Variants in FBXL7 observed in about 807,000 individuals in gnomAD.
The protein encoded by FBXL7 is F-box/LRR-repeat protein 7.
FBXL7 carries 12 observed loss-of-function variants against 38.3 expected under a neutral mutation model. The ratio of observed to expected loss-of-function variants is 0.31; its 90% CI spans 0.20 to 0.51. The LOEUF is 0.51. FBXL7 is among the 20% of genes least tolerant of loss of function. The probability of loss-of-function intolerance (pLI) is 0.98; values close to 1 mark genes in which losing one functional copy is unlikely to be tolerated. For missense variants in FBXL7, 567 were observed against 676.4 expected, an observed-to-expected ratio of 0.84 and a Z score of 1.79; for synonymous variants, 297 against 300.9, an observed-to-expected ratio of 0.99 and a Z score of 0.13.
At chr5:15,549,036 T>TA (rs767445980) in intron 1 of FBXL7, among the ~76,000 whole-genome samples, 2 of 152,234 alleles carry the variant, frequency 1.3e-5, no homozygotes, top group Admixed American at 6.5e-5. Flanking sequence ...GTGGGCAAAA[T>TA]ATGGGGGAGG....
At chr5:15,649,774 C>T (rs1408046734) in intron 2 of FBXL7, among the ~76,000 whole-genome samples, 1 of 151,442 alleles carries the variant, frequency 6.6e-6, no homozygotes, top group Non-Finnish European at 1.5e-5. Flanking sequence ...TTGTTCATTG[C>T]TCATTCACTT....
intron 2 of FBXL7, among the ~76,000 whole-genome samples, chr5:15,823,767 T>C (rs257754): frequency 0.57 from 86,031 of 151,834 alleles, 24,938 homozygotes; most frequent in Non-Finnish European, 0.64. Flanking sequence ...AAGATGCCAC[T>C]CCAAGGATTC....
At chr5:15,702,254 T>A (rs73755521) in intron 2 of FBXL7, among the ~76,000 whole-genome samples, 8,144 of 145,972 alleles carry the variant, frequency 0.056, 253 homozygotes, top group East Asian at 0.09. Context: ...AAAAAAAAAA[T>A]TCACAGCTCT....
chr5:15,890,213 T>C (rs1740843434), intron 2 of FBXL7, among the ~76,000 whole-genome samples: 1 of 151,948 alleles, frequency 6.6e-6, no homozygotes, highest in Non-Finnish European at 1.5e-5. Flanking sequence ...CCACCTGAGC[T>C]CCACCACCTG....
At chr5:15,709,525 C>T (rs917316760) in intron 2 of FBXL7, among the ~76,000 whole-genome samples, 19 of 148,422 alleles carry the variant, frequency 1.3e-4, no homozygotes, top group African/African-American at 4.5e-4. Context: ...CAGAGCAAGA[C>T]TCTGTCTCAA....
chr5:15,694,098 C>T (rs1354260203), intron 2 of FBXL7, among the ~76,000 whole-genome samples: 1 of 152,184 alleles, frequency 6.6e-6, no homozygotes, highest in African/African-American at 2.4e-5. Flanking sequence ...TGTAAACACT[C>T]AACCCTAGAC....
At chr5:15,752,536 A>G (rs1331226462) in intron 2 of FBXL7, among the ~76,000 whole-genome samples, 4 of 152,158 alleles carry the variant, frequency 2.6e-5, no homozygotes, top group African/African-American at 7.2e-5. Context: ...ATCCCAAGCC[A>G]TTGGATTTCT....
At chr5:15,553,909 T>C (rs1307033753) in intron 1 of FBXL7, among the ~76,000 whole-genome samples, 1 of 152,192 alleles carries the variant, frequency 6.6e-6, no homozygotes, top group Non-Finnish European at 1.5e-5. Flanking sequence ...GGTGGGACTC[T>C]CATCTTTGTT....
rs1736457611 is a variant in FBXL7, at chr5:15,500,466, C to G, written c.-211C>G. ...GTAAGTGCTGCAGCTGTGCCCGGCC[C>G]CGCCTGGAGCCACCGGGGGTGCCAG... On this transcript the variant is annotated 5_prime_UTR_variant, in exon 1 of 4. Transcript: ENST00000504595. 2 of 633,096 alleles carry G rather than the reference C, an allele frequency of 3.2e-6. No homozygotes were observed. Among genetic ancestry groups the G allele is most frequent in the Middle Eastern group, 4.2e-4 (1 of 2,374 alleles). The allele number at this position is 633,096 out of a possible 1,614,324, so 39.2% of individuals were successfully genotyped here.
intron 2 of FBXL7, among the ~76,000 whole-genome samples, chr5:15,879,598 ACT>A (rs1234361969): frequency 1.3e-5 from 2 of 151,940 alleles, no homozygotes; most frequent in African/African-American, 4.8e-5. Flanking sequence ...AAAAAAGGAA[ACT>A]CTGGGAAGAT....
chr5:15,682,966 A>T (rs1204812361), intron 2 of FBXL7, among the ~76,000 whole-genome samples: 1 of 152,238 alleles, frequency 6.6e-6, no homozygotes, highest in Non-Finnish European at 1.5e-5. Flanking sequence ...GCTTTAGGTA[A>T]TGTCCAGTCA....
At chr5:15,771,654 T>G (rs1736729664) in intron 2 of FBXL7, among the ~76,000 whole-genome samples, 1 of 152,160 alleles carries the variant, frequency 6.6e-6, no homozygotes, top group Admixed American at 6.5e-5. Context: ...TAGGTATTAC[T>G]GAGGTACAGT....
chr5:15,723,592 T>G (rs1744262644), intron 2 of FBXL7, among the ~76,000 whole-genome samples: 2 of 152,246 alleles, frequency 1.3e-5, no homozygotes, highest in Non-Finnish European at 2.9e-5. Context: ...ACATAGTGTT[T>G]CCAGCATACA....
intron 2 of FBXL7, among the ~76,000 whole-genome samples, chr5:15,749,235 ACT>A (rs1237220227): frequency 1.8e-5 from 2 of 109,520 alleles, no homozygotes; most frequent in African/African-American, 7.7e-5. Context: ...ACAGAGTGAG[ACT>A]CTGTCTCAAA....
At chr5:15,806,943 C>T (rs935437688) in intron 2 of FBXL7, among the ~76,000 whole-genome samples, 4 of 151,974 alleles carry the variant, frequency 2.6e-5, no homozygotes, top group African/African-American at 9.7e-5. Context: ...TTGCATTTTT[C>T]TTTTCTTTTC....
chr5:15,500,429 C>T lies in FBXL7; in HGVS notation c.-248C>T. 4 of 469,964 alleles carry T rather than the reference C, an allele frequency of 8.5e-6. No homozygotes were observed. The highest frequency in any genetic ancestry group is 1.5e-5 in the Non-Finnish European group (4 of 268,060). The allele number at this position is 469,964 out of a possible 1,614,324, so 29.1% of individuals were successfully genotyped here. On this transcript the variant is annotated 5_prime_UTR_variant, in exon 1 of 4. Transcript: ENST00000504595. ...TGCGCGGCGCTGCGCCCGCCGGCCC[C>T]CAGCGCGGATTGTAAGTGCTGCAGC...
intron 2 of FBXL7, among the ~76,000 whole-genome samples, chr5:15,896,846 T>C (rs75254602): frequency 0.014 from 2,132 of 152,140 alleles, 31 homozygotes; most frequent in East Asian, 0.075. Context: ...CAATACGTAA[T>C]AGGATGGCCT....
chr5:15,855,541 G>A (rs980995576), intron 2 of FBXL7, among the ~76,000 whole-genome samples: 18 of 151,936 alleles, frequency 1.2e-4, no homozygotes, highest in South Asian at 2.1e-4. Flanking sequence ...AACTCTGATC[G>A]TAGGAAAAAT....
At chr5:15,817,083 A>G (rs1032898864) in intron 2 of FBXL7, among the ~76,000 whole-genome samples, 2 of 152,192 alleles carry the variant, frequency 1.3e-5, no homozygotes, top group Non-Finnish European at 1.5e-5. Context: ...AGATTCTACT[A>G]TAAACTTTGG....
Sources: allele counts gnomAD v4.1 joint callset (sites outside exome capture counted in the v4.1 genomes callset), GRCh38; gene constraint gnomAD v4.1.1; transcripts MANE v1.5; gene names NCBI Gene and HGNC (gene_info 2026-07-23, HGNC 2026-07-21).